The following CTRB1 variants were observed in gnomAD, a reference collection of about 807,000 sequenced individuals.
CTRB1 encodes chymotrypsinogen B1.
Under a neutral mutation model 20.4 loss-of-function variants are expected in CTRB1, and 15 were observed. The observed-to-expected ratio is 0.74, with a 90% CI of 0.49 to 1.13. The LOEUF is 1.13. Among genes scored for constraint, CTRB1 ranks in the 50% most tolerant of loss-of-function variants. CTRB1 has a pLI of 0.00. For synonymous variants in CTRB1, 92 were observed against 128.4 expected (o/e 0.72, Z 1.92); for missense variants, 227 against 290.1 (o/e 0.78, Z 1.58).
intron 1 of CTRB1, among the ~76,000 whole-genome samples, chr16:75,221,655 G>A (rs1270196627): frequency 6.6e-6 from 1 of 152,016 alleles, no homozygotes; most frequent in Non-Finnish European, 1.5e-5. Flanking sequence ...CCACTGTGCT[G>A]GCCAAAGTCC....
intron 1 of CTRB1, among the ~76,000 whole-genome samples, chr16:75,220,860 G>T (rs1312767174): frequency 6.6e-6 from 1 of 152,088 alleles, no homozygotes; most frequent in Non-Finnish European, 1.5e-5. Context: ...CCAGGTTCAA[G>T]CATTTCTCCT....
At chr16:75,220,654 A>G (rs1165556777) in intron 1 of CTRB1, among the ~76,000 whole-genome samples, 1 of 152,076 alleles carries the variant, frequency 6.6e-6, no homozygotes. Flanking sequence ...TCCCTACTCA[A>G]ATCTTCTCAC....
At chr16:75,220,428 C>A (rs2039067288) in intron 1 of CTRB1, among the ~76,000 whole-genome samples, 1 of 152,192 alleles carries the variant, frequency 6.6e-6, no homozygotes, top group Non-Finnish European at 1.5e-5. Flanking sequence ...CAGTGATCCG[C>A]CCACCTCAGC....
Position 75,224,763 on chromosome 16 carries a change from T to C in CTRB1, c.689T>C (p.Ile230Thr). Residue 230 changes from isoleucine (I) to threonine (T), a missense_variant, in exon 7 of 7, where the codon ATT becomes ACT. Physicochemically the swap from Ile to Thr is moderately conservative, Grantham distance 89 (BLOSUM62 -1). This residue lies in a region of CTRB1 where 108 missense variants were observed against 76.9 expected (regional missense o/e 1.41). Transcript: ENST00000361017. ...QKDGAWTLVGIVSWGSDTCST... is the reference protein window; with the variant it reads ...QKDGAWTLVGTVSWGSDTCST... ...GATGGAGCCTGGACCCTGGTGGGCA[T>C]TGTGTCCTGGGGCAGCGACACCTGC... 3.1e-6 allele frequency: 5 copies of C among 1,613,446 alleles called. No homozygotes were observed. The highest frequency in any genetic ancestry group is 2.2e-5 in the East Asian group (1 of 44,832).
At chr16:75,219,085 G>T (rs1370430355) in intron 1 of CTRB1, 26 bp downstream of exon 1, 4 of 1,573,862 alleles carry the variant, frequency 2.5e-6, no homozygotes, top group Non-Finnish European at 8.6e-7. Flanking sequence ...CGAGGGGTCT[G>T]TCCTGAGGGA....
chr16:75,224,554 A>T, intron 6 of CTRB1, 151 bp from the exon 7 acceptor site: 1 of 924,784 alleles, frequency 1.1e-6, no homozygotes, highest in Non-Finnish European at 1.6e-6. Flanking sequence ...ATAAGCAGCT[A>T]CTAGGGTCTT....
chr16:75,220,991 T>C (rs8055167), intron 1 of CTRB1, among the ~76,000 whole-genome samples: 108,995 of 152,056 alleles, frequency 0.72, 39,417 homozygotes, highest in East Asian at 0.97. Flanking sequence ...CTCCTGACCT[T>C]GTGATCCACC....
Position 75,224,092 on chromosome 16 carries a change from G to A in CTRB1, c.534G>A (p.Leu178=). The A allele has an allele frequency of 1.6e-6, 2 of 1,260,932 alleles. No homozygotes were observed. Among genetic ancestry groups the A allele is most frequent in the Non-Finnish European group, 2.2e-6 (2 of 905,206 alleles). The allele number at this position is 1,260,932 out of a possible 1,614,324, so 78.1% of individuals were successfully genotyped here. A position where few individuals can be genotyped will look rare whatever the true frequency, so the allele number is the denominator to read the frequency against. The change falls in exon 6 of 7, where the codon CTG becomes CTA. Residue 178 remains leucine (L), a synonymous_variant. Transcript: ENST00000361017. ...KTPDKLQQAA[L]PLLSNAECKK... The stretch of plus-strand genomic sequence containing the variant: ...CTGACAAGCTGCAGCAGGCAGCCCT[G>A]CCCCTCCTGTCCAATGCCGAATGCA...
chr16:75,222,557 C>T, intron 1 of CTRB1: 1 of 600,188 alleles, frequency 1.7e-6, no homozygotes, highest in Non-Finnish European at 2.9e-6. Context: ...TGACGCTCTG[C>T]ATCCTGGAAG....
intron 1 of CTRB1, chr16:75,222,481 G>T (rs1183390873): frequency 2.0e-6 from 1 of 505,042 alleles, no homozygotes. Context: ...CTGAGCCCAG[G>T]CAGTCTTACA....
At chr16:75,220,160 A>G (rs2039062189) in intron 1 of CTRB1, among the ~76,000 whole-genome samples, 1 of 129,138 alleles carries the variant, frequency 7.7e-6, no homozygotes, top group Admixed American at 7.2e-5. Flanking sequence ...TTTGTTTTGT[A>G]GAGATGGAGG....
intron 1 of CTRB1, 192 bp from the exon 2 acceptor site, chr16:75,222,576 G>C (rs1371321202): frequency 3.2e-6 from 2 of 620,576 alleles, no homozygotes; most frequent in African/African-American, 1.8e-5. Context: ...AGGATGACTG[G>C]AGCCAGCAGG....
intron 1 of CTRB1, among the ~76,000 whole-genome samples, chr16:75,221,488 T>C (rs879357549): frequency 6.6e-6 from 1 of 152,146 alleles, no homozygotes; most frequent in Admixed American, 6.5e-5. Context: ...GCCTCCCAAG[T>C]AGCTGGGATT....
intron 1 of CTRB1, among the ~76,000 whole-genome samples, chr16:75,221,131 T>C (rs1399138858): frequency 6.6e-6 from 1 of 152,058 alleles, no homozygotes; most frequent in African/African-American, 2.4e-5. Flanking sequence ...GGGGCTGCCT[T>C]GTAAGCAGGC....
Position 75,224,754 on chromosome 16 carries a change from T to C in CTRB1, c.680T>C (p.Leu227Pro), listed in dbSNP as rs2076724258. 6.2e-7 allele frequency: 1 copy of C among 1,613,718 alleles called. No homozygotes were observed. The highest frequency in any genetic ancestry group is 1.3e-5 in the African/African-American group (1 of 75,032). ...LVCQKDGAWT[L>P]VGIVSWGSDT... ...TGCCAAAAGGATGGAGCCTGGACCCTGGTGGGCATTGTGTCCTGGGGCAGC... is the reference window on the plus strand; with the variant it reads ...TGCCAAAAGGATGGAGCCTGGACCCCGGTGGGCATTGTGTCCTGGGGCAGC... Residue 227 changes from leucine (L) to proline (P), a missense_variant, in exon 7 of 7, where the codon CTG becomes CCG. Leu to Pro is a moderately conservative substitution (Grantham distance 98). Around this residue, in one of 4 missense-constraint regions of CTRB1, gnomAD observed 108 missense variants for 76.9 expected, o/e 1.41. Coordinates refer to ENST00000361017, the MANE Select transcript of CTRB1 (RefSeq NM_001906.6).
rs1219241414 is a variant in CTRB1 at position 75,219,150 on chromosome 16, C to G, written c.52+91C>G. On this transcript the variant is annotated intron_variant, in intron 1 of 6. Transcript: ENST00000361017. ...AGTCCCCTGCTCTGCCCCCTGGGGC[C>G]TCATCCCCAGCACAGGTAACCTGAG... The G allele has an allele frequency of 2.2e-6, 3 of 1,362,556 alleles. No individual in the cohort carries two copies. The East Asian group carries it at 7.6e-5, about 34-fold the overall frequency. The allele number at this position is 1,362,556 out of a possible 1,614,324, so 84.4% of individuals were successfully genotyped here.
chr16:75,222,271 G>T (rs1354425676), intron 1 of CTRB1, among the ~76,000 whole-genome samples: 1 of 152,066 alleles, frequency 6.6e-6, no homozygotes, highest in Non-Finnish European at 1.5e-5. Flanking sequence ...TCTGCAAATT[G>T]TCAGAGCCCC....
At chr16:75,221,819 T>C (rs2039089378) in intron 1 of CTRB1, among the ~76,000 whole-genome samples, 1 of 151,008 alleles carries the variant, frequency 6.6e-6, no homozygotes, top group African/African-American at 2.4e-5. Context: ...TCCCAGCACT[T>C]TGGGAGGCCG....
intron 6 of CTRB1, 107 bp from the exon 7 acceptor site, chr16:75,224,598 T>C: frequency 7.8e-7 from 1 of 1,287,746 alleles, no homozygotes; most frequent in Non-Finnish European, 1.1e-6. Flanking sequence ...GCTGAGCCTT[T>C]GCTGTGTGTG....
Sources: gnomAD v4.1 joint callset for allele counts (sites outside exome capture counted in the v4.1 genomes callset) on GRCh38, gnomAD v4.1.1 for gene constraint, gnomAD v4.1.1 regional missense constraint, MANE v1.5 for transcripts, NCBI Gene and HGNC (gene_info 2026-07-23, HGNC 2026-07-21) for gene names.